Variants in SUCLG2 observed in about 807,000 individuals in gnomAD.
SUCLG2 encodes the protein succinate--CoA ligase [GDP-forming] subunit beta, mitochondrial.
In SUCLG2, 42 loss-of-function variants were observed where a neutral mutation model predicts 47.9. The ratio of observed to expected loss-of-function variants is 0.88; its 90% CI spans 0.69 to 1.14. The LOEUF is 1.14. SUCLG2 is among the 50% of genes most tolerant of loss of function. The probability of loss-of-function intolerance (pLI) is 0.00; values close to 1 mark genes in which losing one functional copy is unlikely to be tolerated. For synonymous variants in SUCLG2, 195 were observed against 197.3 expected, an observed-to-expected ratio of 0.99 and a Z score of 0.10; for missense variants, 571 against 525.9, an observed-to-expected ratio of 1.09 and a Z score of -0.84.
At chr3:67,464,900 A>C (rs1379362322) in intron 9 of SUCLG2, among the ~76,000 whole-genome samples, 1 of 152,138 alleles carries the variant, frequency 6.6e-6, no homozygotes, top group African/African-American at 2.4e-5. Flanking sequence ...CTAAAACTCA[A>C]AGAGGGCATG....
intron 9 of SUCLG2, among the ~76,000 whole-genome samples, chr3:67,474,961 G>C (rs1704709824): frequency 6.6e-6 from 1 of 151,564 alleles, no homozygotes; most frequent in South Asian, 2.1e-4. Context: ...TGCCAACAAG[G>C]TGTGAGTGTC....
chr3:67,452,337 T>C (rs1340675350), intron 9 of SUCLG2, among the ~76,000 whole-genome samples: 1 of 152,186 alleles, frequency 6.6e-6, no homozygotes, highest in African/African-American at 2.4e-5. Context: ...GTATTTTCCA[T>C]GTGTGGCCAT....
At chr3:67,518,675 G>T (rs1706017472) in intron 5 of SUCLG2, among the ~76,000 whole-genome samples, 1 of 152,094 alleles carries the variant, frequency 6.6e-6, no homozygotes, top group African/African-American at 2.4e-5. Flanking sequence ...CCAAAGTAAG[G>T]TTTTCCTGCC....
chr3:67,654,451 C>T, intron 1 of SUCLG2, 52 bp downstream of exon 1: 1 of 1,214,268 alleles, frequency 8.2e-7, no homozygotes, highest in Non-Finnish European at 1.0e-6. Context: ...GAGGGAAGCC[C>T]GGGCAGGCCG....
intron 1 of SUCLG2, among the ~76,000 whole-genome samples, chr3:67,635,219 T>C (rs962832075): frequency 4.6e-5 from 7 of 152,206 alleles, no homozygotes; most frequent in Admixed American, 6.5e-5. Flanking sequence ...GTAGGAACTG[T>C]GGCAGAACCA....
intron 9 of SUCLG2, among the ~76,000 whole-genome samples, chr3:67,425,529 G>A (rs1703276514): frequency 1.3e-5 from 2 of 152,102 alleles, no homozygotes; most frequent in Non-Finnish European, 2.9e-5. Flanking sequence ...TAAAAAAAAA[G>A]GTGGAAGAAG....
At chr3:67,525,345 T>C (rs540150372) in intron 4 of SUCLG2, among the ~76,000 whole-genome samples, 1 of 152,306 alleles carries the variant, frequency 6.6e-6, no homozygotes, top group East Asian at 1.9e-4. Context: ...AAGAATAAAG[T>C]GACAAGAGTT....
intron 9 of SUCLG2, among the ~76,000 whole-genome samples, chr3:67,431,825 C>A (rs1472371586): frequency 6.6e-6 from 1 of 152,134 alleles, no homozygotes; most frequent in Non-Finnish European, 1.5e-5. Context: ...CAACATGGCA[C>A]ATGTATACAT....
At chr3:67,518,200 G>A (rs376731446) in intron 6 of SUCLG2, 47 bp downstream of exon 6, 1 of 1,489,044 alleles carries the variant, frequency 6.7e-7, no homozygotes, top group Non-Finnish European at 9.2e-7. Context: ...GTTCCCAAAT[G>A]TTTTCTGAAA....
chr3:67,508,709 T>C, intron 7 of SUCLG2, 98 bp downstream of exon 7: 1 of 902,556 alleles, frequency 1.1e-6, no homozygotes. Context: ...TGAAAGAAAT[T>C]TATGCAAAGC....
At chr3:67,462,057 A>C (rs1178082365) in intron 9 of SUCLG2, among the ~76,000 whole-genome samples, 1 of 152,072 alleles carries the variant, frequency 6.6e-6, no homozygotes, top group African/African-American at 2.4e-5. Flanking sequence ...ATATATATGT[A>C]TGTTTTTGTC....
chr3:67,393,824 C>T (rs1239168997), intron 10 of SUCLG2, among the ~76,000 whole-genome samples: 1 of 152,128 alleles, frequency 6.6e-6, no homozygotes, highest in African/African-American at 2.4e-5. Context: ...TGAGACAAAA[C>T]TTCCAGAGGA....
intron 1 of SUCLG2, among the ~76,000 whole-genome samples, chr3:67,628,724 G>A (rs1022162570): frequency 1.3e-5 from 2 of 152,176 alleles, no homozygotes; most frequent in African/African-American, 4.8e-5. Flanking sequence ...TGTAAAATGT[G>A]CTTTGCTTCT....
intron 3 of SUCLG2, 67 bp from the exon 4 acceptor site, chr3:67,528,289 C>T (rs2107145635): frequency 7.2e-7 from 1 of 1,391,826 alleles, no homozygotes; most frequent in East Asian, 2.4e-5. Context: ...AGAGTCCTTA[C>T]ACAGAGCCTC....
intron 7 of SUCLG2, among the ~76,000 whole-genome samples, chr3:67,508,256 C>A (rs1406773061): frequency 1.3e-5 from 2 of 152,058 alleles, no homozygotes; most frequent in Admixed American, 1.3e-4. Flanking sequence ...CAGATTTAGG[C>A]AAACTAAAGA....
chr3:67,632,208 A>T (rs958750995), intron 1 of SUCLG2, among the ~76,000 whole-genome samples: 5 of 152,112 alleles, frequency 3.3e-5, no homozygotes, highest in Non-Finnish European at 5.9e-5. Context: ...TTTTAGACAC[A>T]GTTTCACTCT....
rs138016071 is a variant in SUCLG2 at position 67,553,398 on chromosome 3, G to C, written c.227-24212C>G. Reference sequence around the variant, plus strand: ...AAATGTTTAAAACTTCATCTTTTTTGTAGCCTTTGAGTTCAACTTGCAAAT... The same window carrying C: ...AAATGTTTAAAACTTCATCTTTTTTCTAGCCTTTGAGTTCAACTTGCAAAT... On this transcript the variant is annotated intron_variant, in intron 2 of 10. Transcript: ENST00000307227. Among the ~76,000 whole-genome samples the C allele has an allele frequency of 2.8e-4, 42 of 152,228 alleles. No individual in the cohort carries two copies. In the East Asian group the frequency reaches 7.7e-3, roughly 28 times the overall value.
At chr3:67,471,079 A>G (rs1288319729) in intron 9 of SUCLG2, among the ~76,000 whole-genome samples, 2 of 152,184 alleles carry the variant, frequency 1.3e-5, no homozygotes, top group Non-Finnish European at 2.9e-5. Flanking sequence ...TATTGCTAAC[A>G]CTGTTGGGAT....
At chr3:67,452,746 A>ATCTAATAAATTCCTC (rs756124778) in intron 9 of SUCLG2, among the ~76,000 whole-genome samples, 1 of 152,198 alleles carries the variant, frequency 6.6e-6, no homozygotes, top group Non-Finnish European at 1.5e-5. Flanking sequence ...CAGAGATAAC[A>ATCTAATAAATTCCTC]TCTAATAAAT....
Sources: allele counts gnomAD v4.1 joint callset (sites outside exome capture counted in the v4.1 genomes callset), GRCh38; gene constraint gnomAD v4.1.1; transcripts MANE v1.5; gene names NCBI Gene and HGNC (gene_info 2026-07-23, HGNC 2026-07-21).